GPT2: variants seen among roughly 807,000 people sequenced by gnomAD.
GPT2 encodes glutamic--pyruvic transaminase 2, also known as alanine aminotransferase 2.
GPT2 carries 30 observed loss-of-function variants against 56.9 expected under a neutral mutation model. The observed-to-expected ratio is 0.53, with a 90% confidence interval of 0.39 to 0.72. The LOEUF (loss-of-function observed/expected upper bound fraction) is 0.72. Among genes scored for constraint, GPT2 ranks in the 30% least tolerant of loss-of-function variants. The pLI is 0.00. For synonymous variants in GPT2, 271 were observed against 283.1 expected (o/e 0.96, Z 0.43); for missense variants, 542 against 703.4 (o/e 0.77, Z 2.60).
chr16:46,888,411 A>G (rs1164491684), intron 2 of GPT2, among the ~76,000 whole-genome samples: 4 of 152,260 alleles, frequency 2.6e-5, no homozygotes, highest in Middle Eastern at 3.4e-3. Context: ...CAGTGATGCG[A>G]TCTCATCTCA....
At chr16:46,885,501 G>C in intron 2 of GPT2, 1 of 985,334 alleles carries the variant, frequency 1.0e-6, no homozygotes, top group Non-Finnish European at 1.2e-6. Flanking sequence ...GAAGAGAGTC[G>C]GCAGAATTCC....
chr16:46,890,777 G>C (rs1442782234), intron 2 of GPT2, among the ~76,000 whole-genome samples: 1 of 152,162 alleles, frequency 6.6e-6, no homozygotes, highest in East Asian at 1.9e-4. Context: ...ACCACACATA[G>C]TCACCATCTG....
chr16:46,926,962 A>C lies in GPT2; in HGVS notation c.1406A>C (p.Lys469Thr), dbSNP rs1961428284. 4 of 1,606,326 alleles carry C rather than the reference A, an allele frequency of 2.5e-6. No homozygotes were observed. The highest frequency in any genetic ancestry group is 8.5e-7 in the Non-Finnish European group (1 of 1,176,778). Residue 469 changes from lysine (K) to threonine (T), a missense_variant, in exon 11 of 12, where the codon AAG (lysine) becomes ACG (threonine). Coordinates refer to ENST00000340124, the MANE Select transcript of GPT2 (RefSeq NM_133443.4). ...GCTCCAGACATGTTCTACTGCATGAAGCTCCTGGAGGAGACTGGCATCTGT... is the reference window on the plus strand; with the variant it reads ...GCTCCAGACATGTTCTACTGCATGACGCTCCTGGAGGAGACTGGCATCTGT... ...QMAPDMFYCM[K>T]LLEETGICVV...
chr16:46,924,194 C>G (rs1346524025), intron 9 of GPT2, 195 bp from the exon 10 acceptor site: 2 of 673,468 alleles, frequency 3.0e-6, no homozygotes, highest in African/African-American at 3.5e-5. Context: ...CCCACTCCGT[C>G]TGTGTGGTGT....
intron 5 of GPT2, 47 bp from the exon 6 acceptor site, chr16:46,909,637 G>A: frequency 6.3e-7 from 1 of 1,593,852 alleles, no homozygotes; most frequent in Non-Finnish European, 8.6e-7. Context: ...GCTAGGTCAG[G>A]GATGGGAAGT....
At chr16:46,912,970 A>G (rs545273051) in intron 6 of GPT2, among the ~76,000 whole-genome samples, 24 of 152,340 alleles carry the variant, frequency 1.6e-4, no homozygotes, top group Admixed American at 1.6e-3. Context: ...AATTTGGCCC[A>G]GCCTCGAAAG....
intron 4 of GPT2, among the ~76,000 whole-genome samples, chr16:46,906,034 G>C (rs2143450765): frequency 6.6e-6 from 1 of 152,218 alleles, no homozygotes; most frequent in South Asian, 2.1e-4. Context: ...TCAGAGCCCT[G>C]GGTGCCTGGG....
intron 10 of GPT2, among the ~76,000 whole-genome samples, chr16:46,926,171 G>C (rs1412531588): frequency 6.8e-6 from 1 of 147,610 alleles, no homozygotes; most frequent in East Asian, 2.0e-4. Context: ...GGTGTAGTCC[G>C]AGCGCGGTGG....
chr16:46,898,869 T>TGC, intron 3 of GPT2, among the ~76,000 whole-genome samples: 1 of 145,794 alleles, frequency 6.9e-6, no homozygotes, highest in African/African-American at 2.5e-5. Context: ...TATATTTATA[T>TGC]ACATATATAT....
At chr16:46,904,012 A>G (rs1324875737) in intron 4 of GPT2, among the ~76,000 whole-genome samples, 1 of 152,196 alleles carries the variant, frequency 6.6e-6, no homozygotes, top group Non-Finnish European at 1.5e-5. Flanking sequence ...ACCAGCGAAC[A>G]GTGTGTGCAA....
In GPT2 at chr16:46,922,223, CCT is replaced by C. The variant is rs1175536141; in HGVS notation, c.1038-14_1038-13del. ...TCTTTCTATAACTGGTGGTCCTCTC[CCT>C]CTCTTTGGCCCTCCAGGTGTGGTTA... On this transcript the variant is annotated splice_polypyrimidine_tract_variant and intron_variant, in intron 8 of 11. Transcript: ENST00000340124. The C allele has an allele frequency of 1.2e-6, 2 of 1,611,402 alleles. No homozygotes were observed. The highest frequency in any genetic ancestry group is 1.7e-6 in the Non-Finnish European group (2 of 1,179,166).
At chr16:46,886,238 T>C (rs1960481260) in intron 2 of GPT2, among the ~76,000 whole-genome samples, 3 of 152,214 alleles carry the variant, frequency 2.0e-5, no homozygotes, top group Non-Finnish European at 4.4e-5. Flanking sequence ...GCTGTTGATG[T>C]CTGGCAGGCT....
chr16:46,926,848 G>A (rs1002905774), intron 10 of GPT2, 77 bp from the exon 11 acceptor site: 23 of 944,362 alleles, frequency 2.4e-5, no homozygotes, highest in Non-Finnish European at 3.3e-5. Flanking sequence ...CTGCCATTTA[G>A]ATTACATTTG....
chr16:46,914,866 TGGG>T (rs1176917900), intron 6 of GPT2, among the ~76,000 whole-genome samples: 1 of 152,008 alleles, frequency 6.6e-6, no homozygotes, highest in Non-Finnish European at 1.5e-5. Context: ...TGTGCAGTAA[TGGG>T]GGGGAGGGCA....
At position 46,927,005 on chromosome 16, in the gene GPT2, C is replaced by T. The variant is rs769627823; in HGVS notation, c.1449C>T (p.Gly483=). ...ETGICVVPGS[G]FGQREGTYHF... is the part of the protein sequence containing the mutation. ...GCATCTGTGTCGTGCCCGGCAGTGG[C>T]TTTGGGCAGAGGGAAGGCACTTACC... is the stretch of plus-strand genomic sequence containing the variant. Residue 483 remains glycine (G), a synonymous_variant, in exon 11 of 12, where the codon GGC becomes GGT. Coordinates refer to ENST00000340124, the MANE Select transcript of GPT2 (RefSeq NM_133443.4). 6.2e-7 allele frequency: 1 copy of T among 1,608,706 alleles called. No individual in the cohort carries two copies. Among genetic ancestry groups the T allele is most frequent in the Non-Finnish European group, 8.5e-7 (1 of 1,177,814 alleles).
chr16:46,921,598 T>C (rs1182086829), intron 8 of GPT2, among the ~76,000 whole-genome samples: 5 of 152,198 alleles, frequency 3.3e-5, no homozygotes, highest in African/African-American at 1.2e-4. Flanking sequence ...GTCGTTAGTG[T>C]GAACGTTTGC....
At chr16:46,912,965 G>A (rs576473243) in intron 6 of GPT2, among the ~76,000 whole-genome samples, 29 of 152,298 alleles carry the variant, frequency 1.9e-4, no homozygotes, top group Middle Eastern at 3.4e-3. Flanking sequence ...GAATTAATTT[G>A]GCCCAGCCTC....
intron 7 of GPT2, among the ~76,000 whole-genome samples, chr16:46,917,957 C>T (rs1296945807): frequency 6.6e-6 from 1 of 152,132 alleles, no homozygotes; most frequent in Non-Finnish European, 1.5e-5. Context: ...CCTGGCTTGG[C>T]AATGGAGCCA....
At chr16:46,925,684 C>T (rs1401486629) in intron 10 of GPT2, among the ~76,000 whole-genome samples, 2 of 151,996 alleles carry the variant, frequency 1.3e-5, no homozygotes, top group Non-Finnish European at 2.9e-5. Context: ...TAAAACTTAG[C>T]TGGGTGGTGC....
Sources: gnomAD v4.1 joint callset for allele counts (sites outside exome capture counted in the v4.1 genomes callset) on GRCh38, gnomAD v4.1.1 for gene constraint, MANE v1.5 for transcripts, NCBI Gene and HGNC (gene_info 2026-07-23, HGNC 2026-07-21) for gene names.